SMARCC1: variants seen among roughly 807,000 people sequenced by gnomAD.
SMARCC1 encodes the protein SWI/SNF related BAF chromatin remodeling complex subunit C1.
SMARCC1 carries 43 observed loss-of-function variants against 147.4 expected under a neutral mutation model. The observed-to-expected ratio is 0.29, with a 90% CI of 0.23 to 0.38. The LOEUF (loss-of-function observed/expected upper bound fraction) is 0.38. Among genes scored for constraint, SMARCC1 ranks in the 10% least tolerant of loss-of-function variants. The pLI is 1.00. For synonymous variants in SMARCC1, 495 were observed against 484.4 expected, an observed-to-expected ratio of 1.02 and a Z score of -0.29; for missense variants, 1,119 against 1,381.1, an observed-to-expected ratio of 0.81 and a Z score of 3.01.
intron 25 of SMARCC1, among the ~76,000 whole-genome samples, chr3:47,620,275 C>A (rs1403988376): frequency 2.0e-5 from 3 of 152,010 alleles, no homozygotes; most frequent in Non-Finnish European, 4.4e-5. Context: ...CCAGCCCAGG[C>A]AACACAGTGA....
chr3:47,651,751 A>G (rs1224989983), intron 21 of SMARCC1, among the ~76,000 whole-genome samples: 2 of 152,208 alleles, frequency 1.3e-5, no homozygotes, highest in Non-Finnish European at 2.9e-5. Context: ...ATACACGTTA[A>G]GTTTTACTTA....
chr3:47,733,614 C>A (rs1197972770), intron 5 of SMARCC1, among the ~76,000 whole-genome samples: 1 of 151,582 alleles, frequency 6.6e-6, no homozygotes, highest in Non-Finnish European at 1.5e-5. Flanking sequence ...GGGCCAGGTG[C>A]GGTGGCTCAT....
At chr3:47,738,939 G>A (rs534880202) in intron 3 of SMARCC1, among the ~76,000 whole-genome samples, 1 of 152,276 alleles carries the variant, frequency 6.6e-6, no homozygotes, top group African/African-American at 2.4e-5. Context: ...CCTAAATGTG[G>A]TAACACTGAT....
At chr3:47,631,208 T>G (rs931661819) in intron 24 of SMARCC1, among the ~76,000 whole-genome samples, 2 of 152,204 alleles carry the variant, frequency 1.3e-5, no homozygotes, top group African/African-American at 2.4e-5. Flanking sequence ...CATCAAGTTA[T>G]GAGACATTTC....
At chr3:47,680,287 T>C (rs576673790) in intron 15 of SMARCC1, 150 bp downstream of exon 15, 5 of 659,768 alleles carry the variant, frequency 7.6e-6, no homozygotes, top group Admixed American at 2.7e-5. Flanking sequence ...CTGTGTACCA[T>C]GGAATGCTAT....
chr3:47,719,228 A>G (rs1289979137), intron 7 of SMARCC1, among the ~76,000 whole-genome samples: 1 of 151,968 alleles, frequency 6.6e-6, no homozygotes, highest in Non-Finnish European at 1.5e-5. Context: ...TATTTTCACT[A>G]ATATCTAGCT....
intron 2 of SMARCC1, among the ~76,000 whole-genome samples, chr3:47,761,407 G>T (rs1413544456): frequency 6.6e-6 from 1 of 151,374 alleles, no homozygotes; most frequent in Non-Finnish European, 1.5e-5. Flanking sequence ...GGACATTTTT[G>T]AGACAACTGG....
At chr3:47,747,456 T>TATAAATATAAATATAAAC in intron 2 of SMARCC1, among the ~76,000 whole-genome samples, 1 of 144,694 alleles carries the variant, frequency 6.9e-6, no homozygotes, top group East Asian at 2.0e-4. Context: ...TAAATATAAA[T>TATAAATATAAATATAAAC]ATAAATATAA....
intron 10 of SMARCC1, among the ~76,000 whole-genome samples, chr3:47,703,204 G>A (rs1246323454): frequency 6.6e-6 from 1 of 152,148 alleles, no homozygotes; most frequent in African/African-American, 2.4e-5. Flanking sequence ...AAAGTGCTAG[G>A]ATTACAGGCA....
intron 2 of SMARCC1, among the ~76,000 whole-genome samples, chr3:47,767,243 C>T (rs1364140629): frequency 1.4e-4 from 16 of 117,450 alleles, no homozygotes; most frequent in Non-Finnish European, 2.2e-4. Flanking sequence ...TTTCCTTTTT[C>T]TCTTTTTTTT....
intron 2 of SMARCC1, 37 bp downstream of exon 2, chr3:47,772,780 T>C: frequency 3.2e-6 from 5 of 1,575,446 alleles, no homozygotes; most frequent in South Asian, 1.1e-5. Flanking sequence ...ATACAGCAAC[T>C]GAGGATGCCC....
chr3:47,771,910 T>C (rs573338710), intron 2 of SMARCC1, among the ~76,000 whole-genome samples: 1 of 151,816 alleles, frequency 6.6e-6, no homozygotes, highest in East Asian at 1.9e-4. Context: ...GGTGAAACCA[T>C]GTGTCTACTA....
At chr3:47,773,822 C>T (rs767246430) in intron 1 of SMARCC1, among the ~76,000 whole-genome samples, 1 of 151,890 alleles carries the variant, frequency 6.6e-6, no homozygotes, top group African/African-American at 2.4e-5. Context: ...TTAGTAGAGA[C>T]GGGGTTTCAC....
intron 11 of SMARCC1, among the ~76,000 whole-genome samples, chr3:47,696,355 C>T (rs957499258): frequency 6.6e-6 from 1 of 151,976 alleles, no homozygotes. Context: ...ACCTCGGCAA[C>T]AGAGCGAGAC....
intron 21 of SMARCC1, among the ~76,000 whole-genome samples, chr3:47,648,593 T>C (rs974895174): frequency 6.6e-6 from 1 of 151,970 alleles, no homozygotes; most frequent in Non-Finnish European, 1.5e-5. Context: ...CTCACTATAG[T>C]ATGTTGCCCA....
At position 47,635,265 on chromosome 3, in the gene SMARCC1, T is replaced by C; in HGVS notation, c.2571A>G (p.Val857=). 1.2e-6 allele frequency: 2 copies of C among 1,613,558 alleles called. No individual in the cohort carries two copies. Among genetic ancestry groups the C allele is most frequent in the Non-Finnish European group, 1.7e-6 (2 of 1,179,672 alleles). The part of the protein sequence containing the change: ...ERESDTGKKK[V]EHEISEGNVA... ...CATTTCCTTCGGAAATTTCATGTTC[T>C]ACTTTCTTCTTCCCAGTATCACTTT... The change falls in exon 24 of 28, where the codon GTA becomes GTG. Residue 857 remains valine, a synonymous_variant. Coordinates refer to ENST00000254480, the MANE Select transcript of SMARCC1 (RefSeq NM_003074.4).
rs2032282764 is a variant in SMARCC1 at position 47,596,406 on chromosome 3, A to G, written c.3044-5569T>C. Among the ~76,000 whole-genome samples, 2 of 151,860 alleles carry G rather than the reference A, an allele frequency of 1.3e-5. 1 individual carries two copies. The highest frequency in any genetic ancestry group is 1.3e-4 in the Admixed American group (2 of 15,248). ...AAGATGGTGAAACCCCATCTCTACT[A>G]AAAATACAAAAATCAGCTGGGTGTG... is the stretch of plus-strand genomic sequence containing the variant. On this transcript the variant is annotated intron_variant, in intron 26 of 27. Transcript: ENST00000254480.
chr3:47,619,409 G>A (rs2032694477), intron 25 of SMARCC1, among the ~76,000 whole-genome samples: 1 of 152,184 alleles, frequency 6.6e-6, no homozygotes, highest in Non-Finnish European at 1.5e-5. Flanking sequence ...ACAGAAATGC[G>A]AACCCATGAA....
chr3:47,646,464 G>A (rs925372964), intron 21 of SMARCC1, among the ~76,000 whole-genome samples: 3 of 152,160 alleles, frequency 2.0e-5, no homozygotes, highest in African/African-American at 7.2e-5. Flanking sequence ...TAAACAAGAA[G>A]GCATATAACT....
Sources: allele counts gnomAD v4.1 joint callset (sites outside exome capture counted in the v4.1 genomes callset), GRCh38; gene constraint gnomAD v4.1.1; transcripts MANE v1.5; gene names NCBI Gene and HGNC (gene_info 2026-07-23, HGNC 2026-07-21).